DLGAP1: variants seen among roughly 807,000 people sequenced by gnomAD.
The protein encoded by DLGAP1 is disks large-associated protein 1.
DLGAP1 carries 11 observed loss-of-function variants against 90.8 expected under a neutral mutation model. The ratio of observed to expected loss-of-function variants is 0.12; its 90% CI spans 0.08 to 0.20. The LOEUF (loss-of-function observed/expected upper bound fraction) is 0.20, where lower values mean the gene tolerates loss of function less well. Ranked by LOEUF, DLGAP1 falls within the 10% of genes least tolerant of loss-of-function variation. The pLI, the probability that DLGAP1 is intolerant of heterozygous loss-of-function variation, is 1.00. For synonymous variants in DLGAP1, 558 were observed against 540.7 expected (o/e 1.03, Z -0.44); for missense variants, 1,050 against 1,333.8 (o/e 0.79, Z 3.31).
At chr18:3,869,536 A>T (rs3745048) in intron 4 of DLGAP1, among the ~76,000 whole-genome samples, 65,638 of 152,034 alleles carry the variant, frequency 0.43, 14,505 homozygotes, top group South Asian at 0.56. Context: ...AGCCTGGGTG[A>T]CAAAGGGAAA....
rs539239921 is a variant in DLGAP1, at chr18:4,012,590, G to C, written c.-158-7389C>G. On this transcript the variant is annotated intron_variant, in intron 2 of 12. Coordinates refer to ENST00000315677, the MANE Select transcript of DLGAP1 (RefSeq NM_004746.4). The stretch of plus-strand genomic sequence containing the variant: ...GGCTGTGGCACAAGAGGAAGAGAAA[G>C]CTGGTATTGCTGAGCAGCAGGCTGT... 5.9e-5 allele frequency among the ~76,000 whole-genome samples: 9 copies of C among 152,330 alleles called. No homozygotes were observed. In the South Asian group the frequency reaches 1.7e-3, roughly 28 times the overall value.
chr18:4,098,687 G>A (rs1027812816), intron 2 of DLGAP1, among the ~76,000 whole-genome samples: 2 of 152,134 alleles, frequency 1.3e-5, no homozygotes, highest in African/African-American at 4.8e-5. Context: ...GGATGGCAGT[G>A]GAAGAAAGAA....
chr18:4,206,673 T>G (rs2077727407), intron 1 of DLGAP1, among the ~76,000 whole-genome samples: 1 of 152,182 alleles, frequency 6.6e-6, no homozygotes, highest in South Asian at 2.1e-4. Context: ...TCCTCCTTCT[T>G]TATGCCCCTT....
At chr18:3,567,672 A>T (rs948928433) in intron 8 of DLGAP1, 91 bp from the exon 9 acceptor site, 2 of 1,116,488 alleles carry the variant, frequency 1.8e-6, no homozygotes, top group African/African-American at 3.1e-5. Flanking sequence ...AATCTCTAAT[A>T]TGACTGGAAT....
At chr18:4,156,935 G>C (rs1269169196) in intron 1 of DLGAP1, among the ~76,000 whole-genome samples, 1 of 152,236 alleles carries the variant, frequency 6.6e-6, no homozygotes, top group African/African-American at 2.4e-5. Flanking sequence ...GGATGGCTGA[G>C]AAACTCTGGA....
chr18:4,169,787 C>A (rs1261196760), intron 1 of DLGAP1, among the ~76,000 whole-genome samples: 1 of 152,204 alleles, frequency 6.6e-6, no homozygotes, highest in Non-Finnish European at 1.5e-5. Flanking sequence ...TTCTCTTCTT[C>A]ATAGTTGTGC....
chr18:3,666,828 C>T (rs1336842854), intron 7 of DLGAP1, among the ~76,000 whole-genome samples: 1 of 151,958 alleles, frequency 6.6e-6, no homozygotes, highest in Non-Finnish European at 1.5e-5. Context: ...GCAATCATAG[C>T]TCACTGCAAT....
intron 10 of DLGAP1, among the ~76,000 whole-genome samples, chr18:3,513,707 G>A (rs553159388): frequency 6.6e-6 from 1 of 152,328 alleles, no homozygotes; most frequent in East Asian, 1.9e-4. Flanking sequence ...CAGATTATGT[G>A]TCATAATGAG....
chr18:3,747,199 A>G (rs550840402), intron 5 of DLGAP1, among the ~76,000 whole-genome samples: 1 of 152,298 alleles, frequency 6.6e-6, no homozygotes, highest in East Asian at 1.9e-4. Context: ...TTAATATAAA[A>G]AAGTAAAAGA....
chr18:4,188,067 C>G (rs568651768), intron 1 of DLGAP1, among the ~76,000 whole-genome samples: 2 of 152,128 alleles, frequency 1.3e-5, no homozygotes, highest in Non-Finnish European at 2.9e-5. Context: ...AGAAAAAATT[C>G]TATAACAAAT....
chr18:4,260,415 T>A (rs1388129053), intron 1 of DLGAP1, among the ~76,000 whole-genome samples: 1 of 152,160 alleles, frequency 6.6e-6, no homozygotes, highest in Non-Finnish European at 1.5e-5. Context: ...CAGCCTTAAG[T>A]TTCATTTTTC....
At chr18:3,578,717 T>C (rs565358604) in intron 8 of DLGAP1, among the ~76,000 whole-genome samples, 30 of 151,616 alleles carry the variant, frequency 2.0e-4, no homozygotes, top group African/African-American at 7.0e-4. Flanking sequence ...TGTTAGACAC[T>C]AGGTACAATC....
rs1174101843 is a variant in DLGAP1, at chr18:3,660,907, T to C, written c.1591+68228A>G. Among the ~76,000 whole-genome samples the C allele has an allele frequency of 8.5e-5, 13 of 152,170 alleles. No homozygotes were observed. Among genetic ancestry groups the C allele is most frequent in the Admixed American group, 7.9e-4 (12 of 15,284 alleles). ...ACTGTCATCACCCTGGGCCAAATTA[T>C]GACAGCAATGTTCACAGGAAACTGT... On this transcript the variant is annotated intron_variant, in intron 7 of 12. Coordinates refer to ENST00000315677, the MANE Select transcript of DLGAP1 (RefSeq NM_004746.4). The surrounding 1 kb of genome is among the most constrained non-coding windows in gnomAD (Gnocchi z 4.2).
chr18:4,058,776 T>C (rs900562714), intron 2 of DLGAP1, among the ~76,000 whole-genome samples: 1 of 152,208 alleles, frequency 6.6e-6, no homozygotes, highest in Non-Finnish European at 1.5e-5. Flanking sequence ...CCTTGAGACC[T>C]TCAAGGTCTT....
chr18:4,416,012 A>T (rs1238901396), intron 1 of DLGAP1, among the ~76,000 whole-genome samples: 1 of 152,076 alleles, frequency 6.6e-6, no homozygotes, highest in Non-Finnish European at 1.5e-5. Flanking sequence ...CTGCAGTCCT[A>T]TTTATTATGT....
At chr18:3,555,307 A>C (rs1222438165) in intron 9 of DLGAP1, among the ~76,000 whole-genome samples, 1 of 152,190 alleles carries the variant, frequency 6.6e-6, no homozygotes, top group Non-Finnish European at 1.5e-5. Flanking sequence ...TATGTTTTGG[A>C]AAGCTAAGTA....
chr18:3,571,056 C>A (rs746674985), intron 8 of DLGAP1, among the ~76,000 whole-genome samples: 4 of 151,788 alleles, frequency 2.6e-5, no homozygotes, highest in Non-Finnish European at 5.9e-5. Flanking sequence ...TAGCCTCCAC[C>A]AAGTGATAAA....
In DLGAP1 at chr18:4,085,810, T is replaced by G. The variant is rs57624757; in HGVS notation, c.-159+65370A>C. On this transcript the variant is annotated intron_variant, in intron 2 of 12. Coordinates refer to ENST00000315677, the MANE Select transcript of DLGAP1 (RefSeq NM_004746.4). ...CCAGTCAAACAATCTGAAGTTATAG[T>G]TCTGCTGCTGTCTCTGACCTAACTC... Among the ~76,000 whole-genome samples, 471 of 152,346 alleles carry G rather than the reference T, an allele frequency of 3.1e-3. 6 individuals carry two copies. Among genetic ancestry groups the G allele is most frequent in the African/African-American group, 0.011 (455 of 41,590 alleles).
intron 7 of DLGAP1, among the ~76,000 whole-genome samples, chr18:3,719,426 C>A (rs1489227696): frequency 6.6e-6 from 1 of 151,614 alleles, no homozygotes; most frequent in Non-Finnish European, 1.5e-5. Flanking sequence ...GGTGTGGTGG[C>A]GGGCACCTGT....
Sources: gnomAD v4.1 joint callset for allele counts (sites outside exome capture counted in the v4.1 genomes callset) on GRCh38, gnomAD v4.1.1 for gene constraint, Gnocchi (gnomAD v3.1) non-coding constraint, MANE v1.5 for transcripts, NCBI Gene and HGNC (gene_info 2026-07-23, HGNC 2026-07-21) for gene names.